Variants in ONECUT2 observed in about 807,000 individuals in gnomAD.
ONECUT2 encodes one cut homeobox 2, also known as one cut domain family member 2.
In ONECUT2, 10 loss-of-function variants were observed where a neutral mutation model predicts 27.9. The ratio of observed to expected loss-of-function variants is 0.36; its 90% confidence interval spans 0.22 to 0.61. The LOEUF (loss-of-function observed/expected upper bound fraction) is 0.61, where lower values mean the gene tolerates loss of function less well. ONECUT2 is among the 20% of genes least tolerant of loss of function. The probability of loss-of-function intolerance (pLI) is 0.73; values close to 1 mark genes in which losing one functional copy is unlikely to be tolerated. For missense variants in ONECUT2, 686 were observed against 721.0 expected (o/e 0.95, Z 0.56); for synonymous variants, 334 against 315.1 (o/e 1.06, Z -0.64).
intron 1 of ONECUT2, among the ~76,000 whole-genome samples, chr18:57,448,858 G>T (rs985527197): frequency 6.6e-6 from 1 of 152,238 alleles, no homozygotes; most frequent in African/African-American, 2.4e-5. Flanking sequence ...ACTGAAAAGT[G>T]TGTGGAGTAA....
At chr18:57,475,624 G>A in intron 1 of ONECUT2, among the ~76,000 whole-genome samples, 1 of 152,106 alleles carries the variant, frequency 6.6e-6, no homozygotes, top group Non-Finnish European at 1.5e-5. Flanking sequence ...GACACATAAT[G>A]GCCTTGACTG....
At chr18:57,440,361 G>C (rs943441548) in intron 1 of ONECUT2, among the ~76,000 whole-genome samples, 1 of 152,248 alleles carries the variant, frequency 6.6e-6, no homozygotes, top group Non-Finnish European at 1.5e-5. Context: ...ATCCCACTGA[G>C]GAAAAGCGAG....
intron 1 of ONECUT2, among the ~76,000 whole-genome samples, chr18:57,463,155 T>C (rs928352112): frequency 3.9e-5 from 6 of 152,234 alleles, no homozygotes; most frequent in African/African-American, 7.2e-5. Flanking sequence ...TGTGACACAA[T>C]GCCTATCCAG....
chr18:57,448,496 A>G (rs961415052), intron 1 of ONECUT2, among the ~76,000 whole-genome samples: 3 of 152,258 alleles, frequency 2.0e-5, no homozygotes, highest in Admixed American at 1.3e-4. Context: ...GAGCAGGAAC[A>G]TATCTGAATC....
rs2050441723 is a variant in ONECUT2, at chr18:57,486,937, A to C, written c.*10214A>C. On this transcript the variant is annotated 3_prime_UTR_variant, in exon 2 of 2. Transcript: ENST00000491143. ...CTATAATTTTATGCATGAGGCTAAAAATTTAGCAGTGTGATGCATTGTGGT... is the reference window on the plus strand; with the variant it reads ...CTATAATTTTATGCATGAGGCTAAACATTTAGCAGTGTGATGCATTGTGGT... 1 of 152,652 alleles carries C rather than the reference A, an allele frequency of 6.6e-6. No homozygotes were observed. The highest frequency in any genetic ancestry group is 1.5e-5 in the Non-Finnish European group (1 of 68,052). The allele number at this position is 152,652 out of a possible 1,614,324, so 9.5% of individuals were successfully genotyped here.
Position 57,436,924 on chromosome 18 carries a change from T to C in ONECUT2, c.1208T>C (p.Met403Thr), listed in dbSNP as rs1475300697. ...KWLQEPEFQR[M>T]SALRLAACKR... ...CTTCAGGAGCCCGAGTTCCAGCGCA[T>C]GTCCGCCTTACGCCTGGCAGGTAAG... The change falls in exon 1 of 2, where the codon ATG (methionine) becomes ACG (threonine). Residue 403 changes from methionine (M) to threonine (T), a missense_variant. Around this residue, in one of 4 missense-constraint regions of ONECUT2, gnomAD observed 51 missense variants for 41.3 expected, o/e 1.23. Coordinates refer to ENST00000491143, the MANE Select transcript of ONECUT2 (RefSeq NM_004852.3). This position sits in a 1 kb window ranked among gnomAD's most constrained non-coding sequence, Gnocchi z 5.9. 1 of 1,607,432 alleles carries C rather than the reference T, an allele frequency of 6.2e-7. No individual in the cohort carries two copies. The highest frequency in any genetic ancestry group is 8.5e-7 in the Non-Finnish European group (1 of 1,177,298).
chr18:57,451,410 G>A (rs2050229459), intron 1 of ONECUT2, among the ~76,000 whole-genome samples: 2 of 152,192 alleles, frequency 1.3e-5, no homozygotes, highest in South Asian at 4.1e-4. Context: ...CGCTGGGCAG[G>A]AAGCAGCTCT....
At position 57,435,836 on chromosome 18, in the gene ONECUT2, T is replaced by TGGCGGGGGCGGCGGCGGCGGGGGC. The variant is rs2050136017; in HGVS notation, c.137_138insCGGGGGCGGCGGGGGCGGCGGCGG (p.Gly47_Gly54dup). The TGGCGGGGGCGGCGGCGGCGGGGGC allele has an allele frequency of 2.9e-6, 3 of 1,045,674 alleles. No homozygotes were observed. Among genetic ancestry groups the TGGCGGGGGCGGCGGCGGCGGGGGC allele is most frequent in the Non-Finnish European group, 3.5e-6 (3 of 854,794 alleles). 64.8% of individuals were successfully genotyped at this position (1,045,674 alleles called of 1,614,324 possible). On this transcript the variant is annotated inframe_insertion, in exon 1 of 2. Coordinates refer to ENST00000491143, the MANE Select transcript of ONECUT2 (RefSeq NM_004852.3). ...TGCACGGGCCGGCCGGCGGCGGCAG[T>TGGCGGGGGCGGCGGCGGCGGGGGC]GGCGGGGGCGGCGGCGGGGGCGGCG...
At chr18:57,464,613 A>AT (rs2050310540) in intron 1 of ONECUT2, among the ~76,000 whole-genome samples, 1 of 152,250 alleles carries the variant, frequency 6.6e-6, no homozygotes, top group East Asian at 1.9e-4. Flanking sequence ...CTTTTGTTCA[A>AT]ACTATATTAT....
At position 57,490,829 on chromosome 18, in the gene ONECUT2, TC is replaced by T. The variant is rs1486412671; in HGVS notation, c.*14107del. On this transcript the variant is annotated 3_prime_UTR_variant, in exon 2 of 2. Transcript: ENST00000491143. ...CAGTTGATCCCTTTGACATCACCTC[TC>T]ATGTTTAAAATCAGGAAAACACACC... The T allele has an allele frequency of 6.6e-6, 1 of 152,580 alleles. No individual in the cohort carries two copies. The highest frequency in any genetic ancestry group is 1.5e-5 in the Non-Finnish European group (1 of 68,036). The allele number at this position is 152,580 out of a possible 1,614,324, so 9.5% of individuals were successfully genotyped here. A position where few individuals can be genotyped will look rare whatever the true frequency, so the allele number is the denominator to read the frequency against.
intron 1 of ONECUT2, among the ~76,000 whole-genome samples, chr18:57,452,482 T>C (rs746319806): frequency 1.3e-5 from 2 of 152,122 alleles, no homozygotes; most frequent in Non-Finnish European, 2.9e-5. Context: ...TGGAGTGCAG[T>C]AGTACAATCT....
chr18:57,475,748 C>G (rs893879151), intron 1 of ONECUT2, among the ~76,000 whole-genome samples: 2 of 152,190 alleles, frequency 1.3e-5, no homozygotes, highest in East Asian at 3.9e-4. Flanking sequence ...CTTCCCCCAC[C>G]CTCATCCCCT....
At chr18:57,460,891 C>G (rs936643935) in intron 1 of ONECUT2, among the ~76,000 whole-genome samples, 1 of 151,992 alleles carries the variant, frequency 6.6e-6, no homozygotes, top group Admixed American at 6.6e-5. Flanking sequence ...GGGTGTCACT[C>G]TCTTGCCCAG....
At chr18:57,465,891 G>A (rs74395440) in intron 1 of ONECUT2, among the ~76,000 whole-genome samples, 3,147 of 152,224 alleles carry the variant, frequency 0.021, 110 homozygotes, top group African/African-American at 0.071. Context: ...GTGTGGCCCT[G>A]CTGAACTGAT....
At chr18:57,444,441 C>T (rs1054428529) in intron 1 of ONECUT2, 2 of 456,616 alleles carry the variant, frequency 4.4e-6, no homozygotes, top group African/African-American at 4.0e-5. Context: ...GGTAGCAAGC[C>T]TTTCCTTTTA....
chr18:57,436,337 G>A lies in ONECUT2; in HGVS notation c.621G>A (p.Met207Ile), dbSNP rs781167570. 2 of 1,605,492 alleles carry A rather than the reference G, an allele frequency of 1.2e-6. No homozygotes were observed. The highest frequency in any genetic ancestry group is 2.2e-5 in the East Asian group (1 of 44,836). Residue 207 changes from methionine to isoleucine, a missense_variant, in exon 1 of 2, where the codon ATG (methionine) becomes ATA (isoleucine). Physicochemically the swap from Met to Ile is conservative, Grantham distance 10. Transcript: ENST00000491143. This position sits in a 1 kb window ranked among gnomAD's most constrained non-coding sequence, Gnocchi z 5.9. ...LMRDERGLPA[M>I]NNLYSPYKEM... ...GCGACGAGCGCGGGCTCCCGGCCAT[G>A]AACAACCTCTACAGTCCCTACAAGG...
intron 1 of ONECUT2, among the ~76,000 whole-genome samples, chr18:57,442,872 TA>T (rs1302632753): frequency 6.6e-6 from 1 of 152,148 alleles, no homozygotes; most frequent in Admixed American, 6.5e-5. Flanking sequence ...GAGGTAACAG[TA>T]CCCTAGGCCA....
At chr18:57,450,981 G>A (rs957966173) in intron 1 of ONECUT2, among the ~76,000 whole-genome samples, 6 of 152,096 alleles carry the variant, frequency 3.9e-5, no homozygotes, top group Non-Finnish European at 8.8e-5. Context: ...TGACTTTACT[G>A]TATATTTAAG....
At chr18:57,453,876 T>G (rs1415155112) in intron 1 of ONECUT2, among the ~76,000 whole-genome samples, 1 of 152,124 alleles carries the variant, frequency 6.6e-6, no homozygotes, top group Non-Finnish European at 1.5e-5. Context: ...AAACCCTTAT[T>G]TTTCAACTCC....
Sources: allele counts gnomAD v4.1 joint callset (sites outside exome capture counted in the v4.1 genomes callset), GRCh38; gene constraint gnomAD v4.1.1; regional missense constraint gnomAD v4.1.1; non-coding constraint Gnocchi (gnomAD v3.1); transcripts MANE v1.5; gene names NCBI Gene and HGNC (gene_info 2026-07-23, HGNC 2026-07-21).